Variants in CNTNAP3B observed in about 807,000 individuals in gnomAD.
CNTNAP3B encodes the protein contactin associated protein family member 3B.
CNTNAP3B carries 25 observed loss-of-function variants against 108.9 expected under a neutral mutation model. The ratio of observed to expected loss-of-function variants is 0.23; its 90% confidence interval spans 0.17 to 0.32. The LOEUF is 0.32. CNTNAP3B is among the 10% of genes least tolerant of loss of function. The pLI is 1.00. For missense variants in CNTNAP3B, 252 were observed against 1,210.4 expected (o/e 0.21, Z 11.75); for synonymous variants, 103 against 473.4 (o/e 0.22, Z 10.16).
intron 2 of CNTNAP3B, among the ~76,000 whole-genome samples, chr9:42,089,561 C>T (rs577403767): frequency 1.4e-5 from 2 of 146,636 alleles, no homozygotes; most frequent in East Asian, 4.1e-4. Context: ...AGGAGTTATA[C>T]TTTCTAATGT....
chr9:42,094,767 GAC>G (rs1206533758), intron 2 of CNTNAP3B, among the ~76,000 whole-genome samples: 7 of 113,420 alleles, frequency 6.2e-5, no homozygotes, highest in African/African-American at 2.4e-4. Flanking sequence ...AGGGAGGGAA[GAC>G]AGAGAAAGAA....
At chr9:41,932,703 A>G (rs1366080373) in intron 14 of CNTNAP3B, among the ~76,000 whole-genome samples, 4 of 151,980 alleles carry the variant, frequency 2.6e-5, no homozygotes, top group Non-Finnish European at 5.9e-5. Flanking sequence ...TATTTTTAGT[A>G]TAGACGGGGT....
intron 15 of CNTNAP3B, among the ~76,000 whole-genome samples, chr9:41,925,638 C>G (rs1170880527): frequency 6.6e-6 from 1 of 152,410 alleles, no homozygotes. Flanking sequence ...TTCTCTTGAT[C>G]TTTTACTAAT....
chr9:41,990,701 C>T lies in CNTNAP3B; in HGVS notation c.1333+909G>A, dbSNP rs575115152. 8.6e-4 allele frequency among the ~76,000 whole-genome samples: 117 copies of T among 135,746 alleles called. 2 individuals are homozygous for T. The highest frequency in any genetic ancestry group is 3.1e-3 in the African/African-American group (106 of 34,732). The allele number at this position is 135,746 out of a possible 152,430, so 89.1% of individuals were successfully genotyped here. On this transcript the variant is annotated intron_variant, in intron 8 of 23. Transcript: ENST00000377561. Reference sequence around the variant, plus strand: ...TTAAAGCCCCCATTTAGTTCCGATGCCAATTTAGGCACAATGTCAATTTAG... The same window carrying T: ...TTAAAGCCCCCATTTAGTTCCGATGTCAATTTAGGCACAATGTCAATTTAG...
At chr9:41,975,116 G>A (rs1825500040) in intron 9 of CNTNAP3B, 1 of 180,670 alleles carries the variant, frequency 5.5e-6, no homozygotes, top group Non-Finnish European at 1.1e-5. Context: ...GGGAAGGCTG[G>A]GGCCTCGGGG....
At chr9:41,945,379 A>G (rs1429185443) in intron 13 of CNTNAP3B, among the ~76,000 whole-genome samples, 6 of 152,428 alleles carry the variant, frequency 3.9e-5, no homozygotes, top group East Asian at 1.9e-4. Context: ...ATGTCCATCA[A>G]TGACAGACTG....
At chr9:42,076,403 G>A (rs1445130452) in intron 3 of CNTNAP3B, among the ~76,000 whole-genome samples, 10 of 132,630 alleles carry the variant, frequency 7.5e-5, no homozygotes, top group African/African-American at 2.7e-4. Context: ...TCTAGTCTGG[G>A]TGATAACAGC....
chr9:41,966,439 A>G (rs1167210500), intron 10 of CNTNAP3B, among the ~76,000 whole-genome samples: 1 of 152,288 alleles, frequency 6.6e-6, no homozygotes, highest in Non-Finnish European at 1.5e-5. Context: ...TACAAATAAT[A>G]GAGGAAGTAG....
intron 14 of CNTNAP3B, among the ~76,000 whole-genome samples, chr9:41,929,882 C>T (rs1366709033): frequency 6.6e-6 from 1 of 151,898 alleles, no homozygotes; most frequent in Non-Finnish European, 1.5e-5. Context: ...GTCTGGATTT[C>T]ACCCAAAGCA....
intron 2 of CNTNAP3B, among the ~76,000 whole-genome samples, chr9:42,089,389 A>T (rs1432653116): frequency 7.9e-6 from 1 of 126,410 alleles, no homozygotes; most frequent in Non-Finnish European, 1.7e-5. Flanking sequence ...GAAATCTCAC[A>T]TCCTATTCTG....
At chr9:41,953,100 T>A (rs1259176592) in intron 13 of CNTNAP3B, 83 bp downstream of exon 13, 1 of 1,357,098 alleles carries the variant, frequency 7.4e-7, no homozygotes, top group Non-Finnish European at 9.7e-7. Flanking sequence ...GACCCTGGCC[T>A]TTTCTCCCTC....
intron 13 of CNTNAP3B, among the ~76,000 whole-genome samples, chr9:41,942,214 G>C (rs4878274): frequency 6.6e-6 from 1 of 151,794 alleles, no homozygotes; most frequent in Non-Finnish European, 1.5e-5. Context: ...GGTGGCTCAC[G>C]CCTGTAATCC....
chr9:41,953,089 G>T (rs1824742217), intron 13 of CNTNAP3B, 94 bp downstream of exon 13: 1 of 1,306,728 alleles, frequency 7.7e-7, no homozygotes, highest in African/African-American at 1.6e-5. Context: ...GCCACGGGAG[G>T]GACCCTGGCC....
At chr9:41,959,434 G>A (rs569507369) in intron 12 of CNTNAP3B, among the ~76,000 whole-genome samples, 69 of 152,398 alleles carry the variant, frequency 4.5e-4, no homozygotes, top group African/African-American at 1.6e-3. Flanking sequence ...CCATTAGCTA[G>A]ATTTTGTCAG....
chr9:41,990,264 C>T (rs1825781263), intron 8 of CNTNAP3B, among the ~76,000 whole-genome samples: 1 of 135,488 alleles, frequency 7.4e-6, no homozygotes, highest in Non-Finnish European at 1.6e-5. Flanking sequence ...AAATCTCTGA[C>T]ATGTGTTCAT....
At chr9:42,115,118 G>A (rs1395041069) in intron 1 of CNTNAP3B, among the ~76,000 whole-genome samples, 1 of 138,026 alleles carries the variant, frequency 7.2e-6, no homozygotes, top group Non-Finnish European at 1.5e-5. Flanking sequence ...AAAGCAAAGT[G>A]AGTTAAAGCC....
chr9:42,037,271 T>TA (rs71275515), intron 3 of CNTNAP3B, among the ~76,000 whole-genome samples: 1,878 of 91,768 alleles, frequency 0.02, 389 homozygotes, highest in African/African-American at 0.073. Flanking sequence ...AAAGTATAAT[T>TA]AAAAAAAAAA....
rs547103892 is a variant in CNTNAP3B at position 42,109,875 on chromosome 9, T to A, written c.86-5136A>T. ...ATCAGAACTGCCCTTGTAAGAGAGA[T>A]AAAGGTGATGATGAACAGAGCCCCA... is the stretch of plus-strand genomic sequence containing the variant. On this transcript the variant is annotated intron_variant, in intron 1 of 23. Transcript: ENST00000377561. Among the ~76,000 whole-genome samples the A allele has an allele frequency of 1.4e-3, 192 of 135,534 alleles. 22 individuals are homozygous for A. Among genetic ancestry groups the A allele is most frequent in the African/African-American group, 5.5e-3 (186 of 33,720 alleles). The allele number at this position is 135,534 out of a possible 152,430, so 88.9% of individuals were successfully genotyped here. A position where few individuals can be genotyped will look rare whatever the true frequency, so the allele number is the denominator to read the frequency against.
rs1249141752 is a variant in CNTNAP3B, at chr9:41,975,122, C to A, written c.1478-4877G>T. On this transcript the variant is annotated intron_variant, in intron 9 of 23. Coordinates refer to ENST00000377561, the MANE Select transcript of CNTNAP3B (RefSeq NM_001201380.3). ...GCGGCTTCCGGGAAGGCTGGGGCCT[C>A]GGGGAGCACCTGCAGGGGCTTCGAG... 7 of 179,950 alleles carry A rather than the reference C, an allele frequency of 3.9e-5. 2 individuals carry two copies. The East Asian group carries it at 1.4e-3, about 36-fold the overall frequency. The allele number at this position is 179,950 out of a possible 1,614,324, so 11.1% of individuals were successfully genotyped here.
Sources: gnomAD v4.1 joint callset for allele counts (sites outside exome capture counted in the v4.1 genomes callset) on GRCh38, gnomAD v4.1.1 for gene constraint, MANE v1.5 for transcripts, NCBI Gene and HGNC (gene_info 2026-07-23, HGNC 2026-07-21) for gene names.